The following TMCC3 variants were observed in gnomAD, a reference collection of about 807,000 sequenced individuals.
TMCC3 encodes the protein transmembrane and coiled-coil domain protein 3.
A neutral mutation model predicts 40.2 loss-of-function variants in TMCC3; 28 were observed. The observed-to-expected ratio is 0.70, with a 90% CI of 0.52 to 0.95. The LOEUF (loss-of-function observed/expected upper bound fraction) is 0.95, where lower values mean the gene tolerates loss of function less well. Among genes scored for constraint, TMCC3 ranks in the 40% least tolerant of loss-of-function variants. The pLI, the probability that TMCC3 is intolerant of heterozygous loss-of-function variation, is 0.00. For synonymous variants in TMCC3, 255 were observed against 248.5 expected (o/e 1.03, Z -0.25); for missense variants, 554 against 615.2 (o/e 0.90, Z 1.05).
chr12:94,579,693 C>T (rs1285529400), intron 2 of TMCC3, among the ~76,000 whole-genome samples: 2 of 152,160 alleles, frequency 1.3e-5, no homozygotes, highest in East Asian at 3.8e-4. Flanking sequence ...GAGCTTCATC[C>T]AGATTTAATG....
At chr12:94,579,803 C>G (rs915646223) in intron 2 of TMCC3, among the ~76,000 whole-genome samples, 1 of 152,204 alleles carries the variant, frequency 6.6e-6, no homozygotes. Flanking sequence ...CTGTAACACG[C>G]GGGTCACAAA....
intron 1 of TMCC3, among the ~76,000 whole-genome samples, chr12:94,641,419 A>G (rs1352838467): frequency 2.0e-5 from 3 of 152,102 alleles, no homozygotes; most frequent in African/African-American, 7.2e-5. Flanking sequence ...GATACAGTAA[A>G]AGCCACATTT....
chr12:94,642,994 C>T (rs1232462653), intron 1 of TMCC3, among the ~76,000 whole-genome samples: 1 of 152,074 alleles, frequency 6.6e-6, no homozygotes, highest in Non-Finnish European at 1.5e-5. Context: ...AGATCGAGAC[C>T]ATCCTGGCCA....
Position 94,570,387 on chromosome 12 carries a change from C to G in TMCC3, c.*1048G>C, listed in dbSNP as rs2068520034. 1.3e-5 allele frequency: 2 copies of G among 152,202 alleles called. No individual in the cohort carries two copies. Among genetic ancestry groups the G allele is most frequent in the Non-Finnish European group, 2.9e-5 (2 of 68,048 alleles). The allele number at this position is 152,202 out of a possible 1,614,324, so 9.4% of individuals were successfully genotyped here. ...TCATTTCCTGAGTAAGCTTTGCAGT[C>G]CCTCACAGACCTGTGAATAAGATGA... On this transcript the variant is annotated 3_prime_UTR_variant, in exon 4 of 4. Coordinates refer to ENST00000261226, the MANE Select transcript of TMCC3 (RefSeq NM_020698.4).
intron 1 of TMCC3, among the ~76,000 whole-genome samples, chr12:94,615,604 G>A (rs1280346917): frequency 6.6e-6 from 1 of 152,188 alleles, no homozygotes; most frequent in African/African-American, 2.4e-5. Context: ...GAGGAGACCT[G>A]GCTCTTCTCC....
rs117149522 is a variant in TMCC3 at position 94,576,713 on chromosome 12, C to T, written c.1131+1681G>A. On this transcript the variant is annotated intron_variant, in intron 3 of 3. Coordinates refer to ENST00000261226, the MANE Select transcript of TMCC3 (RefSeq NM_020698.4). ...GCCCAGGCTGGTCTCAAACTCCTGG[C>T]TTCAAGTGATCCTCCTGCCTCAACC... is the stretch of plus-strand genomic sequence containing the variant. Among the ~76,000 whole-genome samples the T allele has an allele frequency of 3.9e-5, 6 of 152,300 alleles. No individual in the cohort carries two copies. The East Asian group carries it at 9.7e-4, about 25-fold the overall frequency.
chr12:94,612,483 T>G (rs2068822338), intron 1 of TMCC3, among the ~76,000 whole-genome samples: 1 of 151,462 alleles, frequency 6.6e-6, no homozygotes, highest in Admixed American at 6.6e-5. Context: ...GCTAATTTTT[T>G]GTATTTTTGG....
intron 1 of TMCC3, among the ~76,000 whole-genome samples, chr12:94,589,763 C>A (rs2068660917): frequency 4.6e-5 from 7 of 152,154 alleles, no homozygotes; most frequent in Admixed American, 4.6e-4. Flanking sequence ...TTAATGCATT[C>A]ATATATTCTT....
Position 94,594,015 on chromosome 12 carries a change from G to A in TMCC3, c.79-11477C>T, listed in dbSNP as rs75218024. Among the ~76,000 whole-genome samples, 547 of 152,176 alleles carry A rather than the reference G, an allele frequency of 3.6e-3. 6 individuals carry two copies. Among genetic ancestry groups the A allele is most frequent in the African/African-American group, 0.013 (531 of 41,488 alleles). ...AAGGACAGCCACAGTCCCTGGGGAG[G>A]AAACTGTGGAGGGATGTGAGGCAAC... On this transcript the variant is annotated intron_variant, in intron 1 of 3. Transcript: ENST00000261226.
intron 1 of TMCC3, among the ~76,000 whole-genome samples, chr12:94,583,636 T>A (rs1357419650): frequency 6.6e-6 from 1 of 152,220 alleles, no homozygotes; most frequent in Non-Finnish European, 1.5e-5. Context: ...GGCAAGTTTG[T>A]GCTCTAAAAG....
rs2068505189 is a variant in TMCC3 at position 94,568,082 on chromosome 12, G to A, written c.*3353C>T. The A allele has an allele frequency of 6.6e-6, 1 of 152,168 alleles. No homozygotes were observed. Among genetic ancestry groups the A allele is most frequent in the Non-Finnish European group, 1.5e-5 (1 of 68,042 alleles). The allele number at this position is 152,168 out of a possible 1,614,324, so 9.4% of individuals were successfully genotyped here. On this transcript the variant is annotated 3_prime_UTR_variant, in exon 4 of 4. Transcript: ENST00000261226. ...TGCTAATTGACAGAGAAGGATAACA[G>A]CCTCACCGGCTGAAATGAAAGACGG...
At chr12:94,635,660 GTT>G (rs63480462) in intron 1 of TMCC3, among the ~76,000 whole-genome samples, 1,717 of 89,276 alleles carry the variant, frequency 0.019, 15 homozygotes, top group Admixed American at 0.068. Context: ...GTGTATGTGG[GTT>G]TTTTTTTTTT....
chr12:94,608,643 A>T (rs1002588682), intron 1 of TMCC3, among the ~76,000 whole-genome samples: 10 of 151,982 alleles, frequency 6.6e-5, no homozygotes, highest in Admixed American at 3.9e-4. Flanking sequence ...CAAAGTCCTC[A>T]TTATCTTGAC....
intron 1 of TMCC3, among the ~76,000 whole-genome samples, chr12:94,601,739 G>A (rs1388703957): frequency 7.1e-6 from 1 of 140,116 alleles, no homozygotes; most frequent in Non-Finnish European, 1.5e-5. Context: ...AACCCGGGAG[G>A]CAGAGGTTGC....
rs1443922499 is a variant in TMCC3 at position 94,581,794 on chromosome 12, C to T, written c.823G>A (p.Ala275Thr). The T allele has an allele frequency of 8.7e-6, 14 of 1,614,024 alleles. No individual in the cohort carries two copies. The highest frequency in any genetic ancestry group is 1.3e-5 in the African/African-American group (1 of 74,942). Residue 275 changes from alanine to threonine, a missense_variant, in exon 2 of 4, where the codon GCT becomes ACT. By Grantham distance (58) the Ala-to-Thr change is moderately conservative. Coordinates refer to ENST00000261226, the MANE Select transcript of TMCC3 (RefSeq NM_020698.4). ...ADSNGNQSFG[A>T]GGASTLDSQG... ...CTGTCCAGTGTGCTGGCTCCACCAG[C>T]CCCAAACGACTGGTTTCCGTTACTG...
chr12:94,600,492 T>C (rs905400701), intron 1 of TMCC3, among the ~76,000 whole-genome samples: 4 of 152,214 alleles, frequency 2.6e-5, no homozygotes, highest in Non-Finnish European at 5.9e-5. Context: ...TCAACGATTC[T>C]TCCTTTAATA....
At position 94,650,519 on chromosome 12, in the gene TMCC3, G is replaced by C. The variant is rs942966717; in HGVS notation, c.-89C>G. 1.9e-5 allele frequency: 20 copies of C among 1,049,628 alleles called. No homozygotes were observed. The highest frequency in any genetic ancestry group is 9.1e-5 in the Admixed American group (2 of 21,960). The allele number at this position is 1,049,628 out of a possible 1,614,324, so 65.0% of individuals were successfully genotyped here. A position where few individuals can be genotyped will look rare whatever the true frequency, so the allele number is the denominator to read the frequency against. On this transcript the variant is annotated 5_prime_UTR_variant, in exon 1 of 4. Transcript: ENST00000261226. Reference sequence around the variant, plus strand: ...TGCTCGGGATCACCCTGGGAGCCGCGGGCGAGGGGGCGGCGCGGCTGCTGC... The same window carrying C: ...TGCTCGGGATCACCCTGGGAGCCGCCGGCGAGGGGGCGGCGCGGCTGCTGC...
At position 94,568,889 on chromosome 12, in the gene TMCC3, GTA is replaced by G. The variant is rs1263362741; in HGVS notation, c.*2544_*2545del. On this transcript the variant is annotated 3_prime_UTR_variant, in exon 4 of 4. Transcript: ENST00000261226. ...CAGGTAGGAGGATTTAGATCCTACG[GTA>G]TGTTAGAATAAAGCTAGTTTCTAGC... The G allele has an allele frequency of 6.6e-6, 1 of 152,212 alleles. No individual in the cohort carries two copies. Among genetic ancestry groups the G allele is most frequent in the Non-Finnish European group, 1.5e-5 (1 of 68,042 alleles). The allele number at this position is 152,212 out of a possible 1,614,324, so 9.4% of individuals were successfully genotyped here. A position where few individuals can be genotyped will look rare whatever the true frequency, so the allele number is the denominator to read the frequency against.
At chr12:94,629,597 T>G (rs17022955) in intron 1 of TMCC3, among the ~76,000 whole-genome samples, 9,832 of 152,170 alleles carry the variant, frequency 0.065, 346 homozygotes, top group South Asian at 0.17. Context: ...GACCTCACGA[T>G]CGGGCCTACC....
Sources: allele counts gnomAD v4.1 joint callset (sites outside exome capture counted in the v4.1 genomes callset), GRCh38; gene constraint gnomAD v4.1.1; transcripts MANE v1.5; gene names NCBI Gene and HGNC (gene_info 2026-07-23, HGNC 2026-07-21).